Variants in INTS4 observed in about 807,000 individuals in gnomAD.
INTS4 encodes integrator complex subunit 4.
Under a neutral mutation model 119.5 loss-of-function variants are expected in INTS4, and 70 were observed. The observed-to-expected ratio is 0.59, with a 90% CI of 0.48 to 0.71. INTS4 has a LOEUF of 0.71. Among genes scored for constraint, INTS4 ranks in the 30% least tolerant of loss-of-function variants. INTS4 has a pLI of 0.00. For missense variants in INTS4, 867 were observed against 1,173.2 expected (o/e 0.74, Z 3.81); for synonymous variants, 316 against 419.6 (o/e 0.75, Z 3.02).
At chr11:77,988,196 C>T (rs1856531415) in intron 2 of INTS4, among the ~76,000 whole-genome samples, 2 of 152,168 alleles carry the variant, frequency 1.3e-5, no homozygotes, top group South Asian at 4.1e-4. Context: ...GGATCTGCAG[C>T]CTCTGAATTT....
chr11:77,882,385 GA>G (rs1951828402), intron 22 of INTS4, among the ~76,000 whole-genome samples: 1 of 93,772 alleles, frequency 1.1e-5, no homozygotes, highest in South Asian at 2.6e-4. Flanking sequence ...CTTGCTGTGT[GA>G]CCAGGGACAA....
intron 15 of INTS4, among the ~76,000 whole-genome samples, chr11:77,908,215 T>A (rs1250499208): frequency 6.6e-6 from 1 of 152,166 alleles, no homozygotes; most frequent in Non-Finnish European, 1.5e-5. Context: ...TAAATTATGA[T>A]GCATCCAATC....
At chr11:77,889,572 A>G (rs1263469203) in intron 21 of INTS4, among the ~76,000 whole-genome samples, 1 of 152,206 alleles carries the variant, frequency 6.6e-6, no homozygotes. Context: ...TAAAATGTTA[A>G]TGAATGGAGT....
chr11:77,960,360 T>C lies in INTS4; in HGVS notation c.689A>G (p.His230Arg). 1 of 1,603,760 alleles carries C rather than the reference T, an allele frequency of 6.2e-7. No individual in the cohort carries two copies. Among genetic ancestry groups the C allele is most frequent in the South Asian group, 1.1e-5 (1 of 90,320 alleles). The change falls in exon 6 of 23, where the codon CAC becomes CGC. Residue 230 changes from histidine to arginine, a missense_variant. Physicochemically the swap from His to Arg is conservative, Grantham distance 29. Around this residue, in one of 5 missense-constraint regions of INTS4, gnomAD observed 208 missense variants for 306.6 expected, o/e 0.68. Coordinates refer to ENST00000534064, the MANE Select transcript of INTS4 (RefSeq NM_033547.4). ...AGGTACCTGATTATAAATTGTTTGG[T>C]GTAATTTCAGTCCTCTTTCATGGAG... ...LQLHERGLKLHQTIYNQACKL... is the reference protein window; with the variant it reads ...LQLHERGLKLRQTIYNQACKL...
At chr11:77,919,934 G>C (rs1953299773) in intron 14 of INTS4, among the ~76,000 whole-genome samples, 1 of 151,856 alleles carries the variant, frequency 6.6e-6, no homozygotes, top group African/African-American at 2.4e-5. Flanking sequence ...ACAGCTTCCC[G>C]AGTAGCTAGG....
intron 9 of INTS4, among the ~76,000 whole-genome samples, chr11:77,939,801 C>T (rs1286449586): frequency 2.7e-5 from 4 of 150,064 alleles, no homozygotes; most frequent in Non-Finnish European, 4.4e-5. Context: ...ACCAAGATCA[C>T]ACCACTGCAC....
chr11:77,962,794 C>T (rs7115539), intron 4 of INTS4, among the ~76,000 whole-genome samples: 58,432 of 151,418 alleles, frequency 0.39, 11,444 homozygotes, highest in African/African-American at 0.43. Context: ...GTCACTAGTG[C>T]GGAGAAAAGT....
chr11:77,946,824 TG>T (rs1308141870), intron 8 of INTS4, among the ~76,000 whole-genome samples: 1 of 146,106 alleles, frequency 6.8e-6, no homozygotes, highest in Non-Finnish European at 1.5e-5. Context: ...ACTTACAAAA[TG>T]CCTGAAAAGG....
At chr11:77,878,129 A>G (rs985355067), downstream of INTS4, among the ~76,000 whole-genome samples, 30 of 152,102 alleles carry the variant, frequency 2.0e-4, no homozygotes, top group South Asian at 6.2e-4. Context: ...TTGGGAGGCC[A>G]AGGTGGGCAG....
chr11:77,993,646 T>TA (rs34263148), intron 1 of INTS4, among the ~76,000 whole-genome samples: 96,653 of 151,984 alleles, frequency 0.64, 32,540 homozygotes, highest in African/African-American at 0.87. Context: ...TATTTTGTAT[T>TA]TGTATTAACA....
chr11:77,905,112 A>G (rs1952905046), intron 16 of INTS4, among the ~76,000 whole-genome samples: 1 of 152,112 alleles, frequency 6.6e-6, no homozygotes, highest in South Asian at 2.1e-4. Flanking sequence ...TCTGCCCTCA[A>G]TGTTGGCGGG....
intron 4 of INTS4, 168 bp downstream of exon 4, chr11:77,978,828 T>C (rs1353696333): frequency 2.2e-6 from 1 of 462,512 alleles, no homozygotes; most frequent in African/African-American, 2.0e-5. Flanking sequence ...TATTTTCATT[T>C]GTTTTGAAAG....
intron 21 of INTS4, among the ~76,000 whole-genome samples, chr11:77,886,234 C>T (rs1428288518): frequency 6.6e-6 from 1 of 152,028 alleles, no homozygotes; most frequent in Non-Finnish European, 1.5e-5. Flanking sequence ...TCCCAGCATT[C>T]TCAGCAAAAC....
chr11:77,925,279 T>C (rs1460648605), intron 11 of INTS4, among the ~76,000 whole-genome samples: 3 of 152,210 alleles, frequency 2.0e-5, no homozygotes, highest in Non-Finnish European at 2.9e-5. Flanking sequence ...ACAGGCACAG[T>C]TTGTGGCATC....
At chr11:77,964,544 A>C (rs1342379007) in intron 4 of INTS4, among the ~76,000 whole-genome samples, 39 of 152,028 alleles carry the variant, frequency 2.6e-4, no homozygotes, top group African/African-American at 9.4e-4. Flanking sequence ...ACTGCACTCC[A>C]GCCTGTGTGA....
At chr11:77,992,736 A>G (rs1270527476) in intron 1 of INTS4, among the ~76,000 whole-genome samples, 2 of 152,206 alleles carry the variant, frequency 1.3e-5, no homozygotes, top group Non-Finnish European at 2.9e-5. Context: ...ACAACTTACT[A>G]GCTGGGGAAG....
chr11:77,914,189 A>G lies in INTS4; in HGVS notation c.1922+4632T>C, dbSNP rs111848793. Reference sequence around the variant, plus strand: ...ATGCTCCTGAATACACACTCAAGCTAGAAACACAGAGCCCCAAACTTAGGA... The same window carrying G: ...ATGCTCCTGAATACACACTCAAGCTGGAAACACAGAGCCCCAAACTTAGGA... On this transcript the variant is annotated intron_variant, in intron 15 of 22. Coordinates refer to ENST00000534064, the MANE Select transcript of INTS4 (RefSeq NM_033547.4). Among the ~76,000 whole-genome samples, 917 of 152,338 alleles carry G rather than the reference A, an allele frequency of 6.0e-3. 9 individuals are homozygous for G. Among genetic ancestry groups the G allele is most frequent in the African/African-American group, 0.021 (865 of 41,584 alleles).
At chr11:77,989,452 C>A (rs975022597) in intron 2 of INTS4, among the ~76,000 whole-genome samples, 1 of 151,530 alleles carries the variant, frequency 6.6e-6, no homozygotes, top group African/African-American at 2.4e-5. Context: ...CAGAGTGAGA[C>A]TCATCTCAAA....
chr11:77,956,003 T>C lies in INTS4; in HGVS notation c.857A>G (p.Lys286Arg). The C allele has an allele frequency of 1.9e-6, 3 of 1,611,172 alleles. No homozygotes were observed. The highest frequency in any genetic ancestry group is 2.5e-6 in the Non-Finnish European group (3 of 1,179,698). ...GCCATCACTGACCATGTGACAAATTTTGCCAAACGCATCATCAACTAAGCG... is the reference window on the plus strand; with the variant it reads ...GCCATCACTGACCATGTGACAAATTCTGCCAAACGCATCATCAACTAAGCG... The part of the protein sequence containing the change: ...EIRLVDDAFG[K>R]ICHMVSDGSW... The change falls in exon 8 of 23, where the codon AAA becomes AGA. Residue 286 changes from lysine (K) to arginine (R), a missense_variant. Physicochemically the swap from Lys to Arg is conservative, Grantham distance 26. Around this residue, in one of 5 missense-constraint regions of INTS4, gnomAD observed 208 missense variants for 306.6 expected, o/e 0.68. Transcript: ENST00000534064.
Sources: gnomAD v4.1 joint callset for allele counts (sites outside exome capture counted in the v4.1 genomes callset) on GRCh38, gnomAD v4.1.1 for gene constraint, gnomAD v4.1.1 regional missense constraint, MANE v1.5 for transcripts, NCBI Gene and HGNC (gene_info 2026-07-23, HGNC 2026-07-21) for gene names.